The following WBP4 variants were observed in gnomAD, a reference collection of about 807,000 sequenced individuals.
WBP4 encodes the protein WW domain binding protein 4.
WBP4 carries 37 observed loss-of-function variants against 55.4 expected under a neutral mutation model. The ratio of observed to expected loss-of-function variants is 0.67; its 90% confidence interval spans 0.51 to 0.88. WBP4 has a LOEUF of 0.88. WBP4 is among the 40% of genes least tolerant of loss of function. The pLI, the probability that WBP4 is intolerant of heterozygous loss-of-function variation, is 0.00. For synonymous variants in WBP4, 142 were observed against 140.2 expected (o/e 1.01, Z -0.09); for missense variants, 398 against 420.8 (o/e 0.95, Z 0.47).
chr13:41,062,004 C>T, intron 1 of WBP4: 1 of 973,426 alleles, frequency 1.0e-6, no homozygotes, highest in East Asian at 1.1e-4. Context: ...CTTGGGTTTC[C>T]GAAGCCCCTG....
intron 1 of WBP4, chr13:41,062,104 T>TTG: frequency 1.5e-5 from 14 of 937,902 alleles, no homozygotes; most frequent in Non-Finnish European, 1.7e-5. Flanking sequence ...TGGTTTTTTT[T>TTG]TTTTTTTTTT....
At chr13:41,080,338 G>T (rs1878714536) in intron 8 of WBP4, among the ~76,000 whole-genome samples, 1 of 152,086 alleles carries the variant, frequency 6.6e-6, no homozygotes, top group South Asian at 2.1e-4. Flanking sequence ...GTCACTGTTG[G>T]GTATGCAAGT....
At chr13:41,074,942 C>T (rs1460568830) in intron 7 of WBP4, among the ~76,000 whole-genome samples, 1 of 152,058 alleles carries the variant, frequency 6.6e-6, no homozygotes, top group African/African-American at 2.4e-5. Flanking sequence ...TTACAGTGAG[C>T]TGAGATCACG....
rs753218073 is a variant in WBP4 at position 41,065,081 on chromosome 13, A to G, written c.138+3A>G. 6.2e-7 allele frequency: 1 copy of G among 1,602,030 alleles called. No homozygotes were observed. Among genetic ancestry groups the G allele is most frequent in the Non-Finnish European group, 8.5e-7 (1 of 1,176,896 alleles). On this transcript the variant is annotated splice_donor_region_variant and intron_variant, in intron 3 of 9. Coordinates refer to ENST00000379487, the MANE Select transcript of WBP4 (RefSeq NM_007187.5). ...ATGTGGCAAAAAGGATCAGTGAGGTAATTTAGATTGTTTATTTGCTAATTT... is the reference window on the plus strand; with the variant it reads ...ATGTGGCAAAAAGGATCAGTGAGGTGATTTAGATTGTTTATTTGCTAATTT...
intron 7 of WBP4, among the ~76,000 whole-genome samples, chr13:41,073,207 T>A (rs1179994268): frequency 7.2e-5 from 11 of 152,204 alleles, no homozygotes. Context: ...TCAACTTGCC[T>A]TTTCCTTTTT....
At chr13:41,080,146 G>T (rs73176960) in intron 8 of WBP4, among the ~76,000 whole-genome samples, 1 of 152,104 alleles carries the variant, frequency 6.6e-6, no homozygotes, top group Non-Finnish European at 1.5e-5. Flanking sequence ...CTAAAAGCCC[G>T]TACTTCACCA....
intron 6 of WBP4, 84 bp downstream of exon 6, chr13:41,071,657 A>G (rs1475162395): frequency 1.5e-6 from 2 of 1,313,042 alleles, no homozygotes; most frequent in Non-Finnish European, 1.1e-6. Context: ...TTGCTAAGCA[A>G]CTTTATTTAC....
At chr13:41,074,334 G>T (rs1593430909) in intron 7 of WBP4, among the ~76,000 whole-genome samples, 2 of 152,046 alleles carry the variant, frequency 1.3e-5, no homozygotes, top group African/African-American at 4.8e-5. Flanking sequence ...GCTTGTTTTT[G>T]TTTTTTTAAT....
intron 8 of WBP4, among the ~76,000 whole-genome samples, chr13:41,078,204 A>G (rs1878587201): frequency 6.6e-6 from 1 of 152,246 alleles, no homozygotes; most frequent in South Asian, 2.1e-4. Flanking sequence ...AGCAAAAAGA[A>G]CAAAGGTGGA....
At chr13:41,068,166 A>G (rs1008270940) in intron 4 of WBP4, among the ~76,000 whole-genome samples, 29 of 152,178 alleles carry the variant, frequency 1.9e-4, no homozygotes, top group Admixed American at 1.2e-3. Flanking sequence ...CGTTGTACCC[A>G]GTAGGTAATT....
intron 4 of WBP4, among the ~76,000 whole-genome samples, chr13:41,067,347 CAA>C (rs1182830866): frequency 6.6e-6 from 1 of 152,196 alleles, no homozygotes; most frequent in Non-Finnish European, 1.5e-5. Flanking sequence ...TGATCTTCTG[CAA>C]AACAACAACA....
chr13:41,062,596 C>T (rs1877739465), intron 1 of WBP4, 48 bp from the exon 2 acceptor site: 3 of 1,557,242 alleles, frequency 1.9e-6, no homozygotes, highest in Non-Finnish European at 1.8e-6. Context: ...AGAATTTAAC[C>T]TTTTTTAAGT....
intron 8 of WBP4, 90 bp downstream of exon 8, chr13:41,076,327 G>A: frequency 3.9e-6 from 4 of 1,034,256 alleles, no homozygotes; most frequent in Non-Finnish European, 4.0e-6. Context: ...TCCCCAGGCT[G>A]GAGTACAGTG....
chr13:41,070,005 T>G (rs1031469135), intron 5 of WBP4, among the ~76,000 whole-genome samples: 2 of 152,210 alleles, frequency 1.3e-5, no homozygotes, highest in South Asian at 2.1e-4. Flanking sequence ...CATTTTGGAA[T>G]AAATTAATAC....
chr13:41,080,499 C>G (rs1878720485), intron 8 of WBP4, 147 bp from the exon 9 acceptor site: 1 of 624,008 alleles, frequency 1.6e-6, no homozygotes, highest in Non-Finnish European at 2.7e-6. Flanking sequence ...CAGTAAAGTT[C>G]TATGTATATT....
intron 4 of WBP4, among the ~76,000 whole-genome samples, chr13:41,067,541 C>T (rs911369539): frequency 3.3e-5 from 5 of 152,208 alleles, no homozygotes; most frequent in African/African-American, 1.2e-4. Context: ...AAAAAATTAA[C>T]TGGGCTTGGT....
chr13:41,065,406 C>A (rs1877930422), intron 4 of WBP4, 119 bp downstream of exon 4: 4 of 1,342,568 alleles, frequency 3.0e-6, no homozygotes, highest in African/African-American at 3.0e-5. Context: ...ACTCTCAGTG[C>A]TTTTATTATG....
chr13:41,062,251 C>CTCTT, intron 1 of WBP4: 1 of 984,888 alleles, frequency 1.0e-6, no homozygotes, highest in Non-Finnish European at 1.2e-6. Flanking sequence ...GTACGTTGTT[C>CTCTT]TCTTGGTGGG....
chr13:41,061,557 T>C lies in WBP4; in HGVS notation c.-117T>C. 6.6e-7 allele frequency: 1 copy of C among 1,517,872 alleles called. No individual in the cohort carries two copies. Among genetic ancestry groups the C allele is most frequent in the Non-Finnish European group, 9.1e-7 (1 of 1,101,280 alleles). 94.0% of individuals were successfully genotyped at this position (1,517,872 alleles called of 1,614,324 possible). ...GGTCCCGGGGACTGAGTAAGGTGTC[T>C]GGATCGGAGGGAGGTTCGGGTGGGC... is the stretch of plus-strand genomic sequence containing the variant. On this transcript the variant is annotated 5_prime_UTR_variant, in exon 1 of 10. Coordinates refer to ENST00000379487, the MANE Select transcript of WBP4 (RefSeq NM_007187.5).
Sources: allele counts gnomAD v4.1 joint callset (sites outside exome capture counted in the v4.1 genomes callset), GRCh38; gene constraint gnomAD v4.1.1; transcripts MANE v1.5; gene names NCBI Gene and HGNC (gene_info 2026-07-23, HGNC 2026-07-21).